The following PRRG4 variants were observed in gnomAD, a reference collection of about 807,000 sequenced individuals.
PRRG4 encodes proline rich and Gla domain 4.
A neutral mutation model predicts 20.0 loss-of-function variants in PRRG4; 12 were observed. The ratio of observed to expected loss-of-function variants is 0.60; its 90% confidence interval spans 0.38 to 0.97. The LOEUF is 0.97. Among genes scored for constraint, PRRG4 ranks in the 50% least tolerant of loss-of-function variants. The pLI, the probability that PRRG4 is intolerant of heterozygous loss-of-function variation, is 0.00. For missense variants in PRRG4, 199 were observed against 265.1 expected, an observed-to-expected ratio of 0.75 and a Z score of 1.73; for synonymous variants, 94 against 96.4, an observed-to-expected ratio of 0.98 and a Z score of 0.15.
In PRRG4 at chr11:32,853,563, T is replaced by C; in HGVS notation, c.*36T>C. 1 of 1,547,058 alleles carries C rather than the reference T, an allele frequency of 6.5e-7. No individual in the cohort carries two copies. The highest frequency in any genetic ancestry group is 1.1e-5 in the South Asian group (1 of 89,510). On this transcript the variant is annotated 3_prime_UTR_variant, in exon 6 of 6. Coordinates refer to ENST00000257836, the MANE Select transcript of PRRG4 (RefSeq NM_024081.6). ...ATTTTGGTATAAGAAATTTGTGTTA[T>C]TTGATAGGCCGGGCATGGTGGCTCA...
intron 2 of PRRG4, among the ~76,000 whole-genome samples, chr11:32,835,295 A>C (rs1851010802): frequency 6.6e-6 from 1 of 152,262 alleles, no homozygotes; most frequent in Non-Finnish European, 1.5e-5. Context: ...AAAAATCAGT[A>C]TGAGTTTTCC....
At chr11:32,831,048 C>T (rs1282519284) in intron 2 of PRRG4, among the ~76,000 whole-genome samples, 1 of 152,224 alleles carries the variant, frequency 6.6e-6, no homozygotes, top group East Asian at 1.9e-4. Context: ...TCCCGTTTGG[C>T]TTGAATGTCT....
At chr11:32,846,302 G>A (rs762733911) in intron 5 of PRRG4, among the ~76,000 whole-genome samples, 36 of 152,234 alleles carry the variant, frequency 2.4e-4, no homozygotes, top group Non-Finnish European at 4.1e-4. Flanking sequence ...GAGCCATGGG[G>A]CCAAGCCCTT....
intron 5 of PRRG4, among the ~76,000 whole-genome samples, chr11:32,844,186 G>A (rs753663993): frequency 1.3e-4 from 20 of 152,074 alleles, no homozygotes; most frequent in Admixed American, 5.2e-4. Flanking sequence ...CTAACTAGCC[G>A]TTTGACTTTG....
intron 4 of PRRG4, 99 bp downstream of exon 4, chr11:32,839,029 C>A: frequency 1.2e-6 from 1 of 809,046 alleles, no homozygotes; most frequent in South Asian, 1.5e-5. Context: ...GCGCAACATA[C>A]ATACCTTATA....
intron 5 of PRRG4, among the ~76,000 whole-genome samples, chr11:32,847,719 C>T (rs1234085087): frequency 6.6e-6 from 1 of 152,108 alleles, no homozygotes; most frequent in African/African-American, 2.4e-5. Flanking sequence ...TAGCATTATT[C>T]AAATAACCAA....
intron 5 of PRRG4, among the ~76,000 whole-genome samples, chr11:32,848,764 G>C (rs1288125107): frequency 6.6e-6 from 1 of 151,972 alleles, no homozygotes; most frequent in South Asian, 2.1e-4. Context: ...CTGAGGTCAG[G>C]AGTTCAAGAC....
chr11:32,829,904 C>T, upstream of PRRG4: 1 of 985,540 alleles, frequency 1.0e-6, no homozygotes, highest in African/African-American at 1.7e-5. Context: ...CCAGGTGTCC[C>T]CAGGTAGCCG....
rs549156289 is a variant in PRRG4 at position 32,838,275 on chromosome 11, G to A, written c.268-607G>A. Among the ~76,000 whole-genome samples the A allele has an allele frequency of 2.3e-3, 352 of 152,112 alleles. 1 individual carries two copies. The highest frequency in any genetic ancestry group is 4.4e-3 in the Non-Finnish European group (301 of 67,966). ...AGTTCAAGACCAGCCTGGGCTTCACGATGAAACTCCATCTCTGCAAAAAAG... is the reference window on the plus strand; with the variant it reads ...AGTTCAAGACCAGCCTGGGCTTCACAATGAAACTCCATCTCTGCAAAAAAG... On this transcript the variant is annotated intron_variant, in intron 3 of 5. Coordinates refer to ENST00000257836, the MANE Select transcript of PRRG4 (RefSeq NM_024081.6).
intron 5 of PRRG4, 96 bp from the exon 6 acceptor site, chr11:32,853,200 A>T: frequency 1.2e-6 from 1 of 815,734 alleles, no homozygotes; most frequent in Non-Finnish European, 2.1e-6. Context: ...CATTGTGTTT[A>T]ATGTTTATTA....
chr11:32,838,881 G>T lies in PRRG4; in HGVS notation c.268-1G>T. On this transcript the variant is annotated splice_acceptor_variant, in intron 3 of 5. Transcript: ENST00000257836. LOFTEE classifies it high-confidence loss of function. ...ACTTGGGAATTTTACCTTTTTTTTA[G>T]ATTGCATTTTGGCAGGAATATTCAG... The T allele has an allele frequency of 6.2e-7, 1 of 1,604,598 alleles. No homozygotes were observed. The highest frequency in any genetic ancestry group is 8.5e-7 in the Non-Finnish European group (1 of 1,172,356).
At position 32,853,580 on chromosome 11, in the gene PRRG4, G is replaced by C; in HGVS notation, c.*53G>C. On this transcript the variant is annotated 3_prime_UTR_variant, in exon 6 of 6. Transcript: ENST00000257836. ...TTGTGTTATTTGATAGGCCGGGCAT[G>C]GTGGCTCATGCCTGTAATCCCAGCA... is the stretch of plus-strand genomic sequence containing the variant. 7.1e-7 allele frequency: 1 copy of C among 1,408,716 alleles called. No homozygotes were observed. Among genetic ancestry groups the C allele is most frequent in the South Asian group, 1.2e-5 (1 of 84,402 alleles). The allele number at this position is 1,408,716 out of a possible 1,614,324, so 87.3% of individuals were successfully genotyped here. A position where few individuals can be genotyped will look rare whatever the true frequency, so the allele number is the denominator to read the frequency against.
chr11:32,850,594 C>A (rs1851174015), intron 5 of PRRG4, among the ~76,000 whole-genome samples: 2 of 152,178 alleles, frequency 1.3e-5, no homozygotes, highest in Non-Finnish European at 2.9e-5. Context: ...CTTATGTTAG[C>A]ATTAACTGGT....
rs2133455646 is a variant in PRRG4 at position 32,856,841 on chromosome 11, T to A, written c.*3314T>A. 6.6e-6 allele frequency: 1 copy of A among 152,324 alleles called. No individual in the cohort carries two copies. The highest frequency in any genetic ancestry group is 3.4e-3 in the Middle Eastern group (1 of 294). 9.4% of individuals were successfully genotyped at this position (152,324 alleles called of 1,614,324 possible). A position where few individuals can be genotyped will look rare whatever the true frequency, so the allele number is the denominator to read the frequency against. On this transcript the variant is annotated 3_prime_UTR_variant, in exon 6 of 6. Coordinates refer to ENST00000257836, the MANE Select transcript of PRRG4 (RefSeq NM_024081.6). ...TGACTATGTCAAAGTATTTTTATTT[T>A]TAATTTTTTGAGACAAGGTCTTGCT...
intron 5 of PRRG4, among the ~76,000 whole-genome samples, chr11:32,844,428 G>T (rs1022251065): frequency 2.0e-5 from 3 of 151,682 alleles, no homozygotes; most frequent in African/African-American, 7.3e-5. Flanking sequence ...TTAAGAGAGT[G>T]CTTGGTAGCA....
At chr11:32,831,845 A>AC (rs1295312907) in intron 2 of PRRG4, among the ~76,000 whole-genome samples, 1 of 151,848 alleles carries the variant, frequency 6.6e-6, no homozygotes, top group Non-Finnish European at 1.5e-5. Context: ...ACATGGTGAA[A>AC]CCCCGTCTCT....
intron 5 of PRRG4, among the ~76,000 whole-genome samples, chr11:32,850,813 T>C (rs1379329118): frequency 6.6e-6 from 1 of 152,194 alleles, no homozygotes; most frequent in Non-Finnish European, 1.5e-5. Flanking sequence ...CTCACGCCTG[T>C]AATCCCAGCA....
At position 32,840,283 on chromosome 11, in the gene PRRG4, A is replaced by G; in HGVS notation, c.449+44A>G. ...TATTTAATTCATCACTAGACATTCTATATTATTATTTTAACAATGGGTCAA... is the reference window on the plus strand; with the variant it reads ...TATTTAATTCATCACTAGACATTCTGTATTATTATTTTAACAATGGGTCAA... On this transcript the variant is annotated intron_variant, in intron 5 of 5. Coordinates refer to ENST00000257836, the MANE Select transcript of PRRG4 (RefSeq NM_024081.6). The surrounding 1 kb of genome is among the most constrained non-coding windows in gnomAD (Gnocchi z 4.1). 3 of 1,364,962 alleles carry G rather than the reference A, an allele frequency of 2.2e-6. No individual in the cohort carries two copies. The highest frequency in any genetic ancestry group is 1.0e-6 in the Non-Finnish European group (1 of 981,044). The allele number at this position is 1,364,962 out of a possible 1,614,324, so 84.6% of individuals were successfully genotyped here. A position where few individuals can be genotyped will look rare whatever the true frequency, so the allele number is the denominator to read the frequency against.
In PRRG4 at chr11:32,853,912, G is replaced by GAGA. The variant is rs368079059; in HGVS notation, c.*404_*406dup. ...GATGAAGGAGGAGGAGGAGGAGAAG[G>GAGA]AGAAGAAGAAGAAGAAGAAGACCAC... On this transcript the variant is annotated 3_prime_UTR_variant, in exon 6 of 6. Transcript: ENST00000257836. 8.7e-5 allele frequency: 16 copies of GAGA among 183,590 alleles called. No individual in the cohort carries two copies. The highest frequency in any genetic ancestry group is 2.6e-3 in the Middle Eastern group (1 of 382). 11.4% of individuals were successfully genotyped at this position (183,590 alleles called of 1,614,324 possible).
Sources: allele counts gnomAD v4.1 joint callset (sites outside exome capture counted in the v4.1 genomes callset), GRCh38; gene constraint gnomAD v4.1.1; non-coding constraint Gnocchi (gnomAD v3.1); transcripts MANE v1.5; gene names NCBI Gene and HGNC (gene_info 2026-07-23, HGNC 2026-07-21).